ZNF429: variants seen among roughly 807,000 people sequenced by gnomAD.
ZNF429 encodes the protein zinc finger protein 429.
ZNF429 carries 53 observed loss-of-function variants against 56.8 expected under a neutral mutation model. The ratio of observed to expected loss-of-function variants is 0.93; its 90% CI spans 0.75 to 1.17. The LOEUF is 1.17. ZNF429 is among the 50% of genes most tolerant of loss of function. The pLI, the probability that ZNF429 is intolerant of heterozygous loss-of-function variation, is 0.00. For synonymous variants in ZNF429, 278 were observed against 264.7 expected, an observed-to-expected ratio of 1.05 and a Z score of -0.49; for missense variants, 849 against 788.4, an observed-to-expected ratio of 1.08 and a Z score of -0.92.
At chr19:21,535,333 T>C in intron 3 of ZNF429, among the ~76,000 whole-genome samples, 1 of 93,740 alleles carries the variant, frequency 1.1e-5, no homozygotes, top group African/African-American at 4.1e-5. Context: ...CTTTCTCTTT[T>C]CTTTTCTTTC....
At chr19:21,535,597 C>A in intron 3 of ZNF429, among the ~76,000 whole-genome samples, 1 of 150,972 alleles carries the variant, frequency 6.6e-6, no homozygotes, top group Admixed American at 6.6e-5. Flanking sequence ...TCACTGCAAC[C>A]TCCACTTTCT....
intron 1 of ZNF429, among the ~76,000 whole-genome samples, chr19:21,506,539 A>G (rs971818184): frequency 4.0e-5 from 6 of 151,466 alleles, no homozygotes; most frequent in Non-Finnish European, 5.9e-5. Flanking sequence ...TGTGGGATGT[A>G]GTTTGTGGTC....
rs774710034 is a variant in ZNF429, at chr19:21,537,568, A to G, written c.1515A>G (p.Gly505=). Residue 505 remains glycine, a synonymous_variant, in exon 4 of 4, where the codon GGA becomes GGG. Transcript: ENST00000358491. ...ACAGTCATAAAAAAATTCATAGTGG[A>G]GAGAAACCCTACAAATGTGAAGAAT... is the stretch of plus-strand genomic sequence containing the variant. The part of the protein sequence containing the change: ...NLNSHKKIHS[G]EKPYKCEECG... The G allele has an allele frequency of 1.9e-6, 3 of 1,613,522 alleles. No homozygotes were observed. The highest frequency in any genetic ancestry group is 1.6e-4 in the Middle Eastern group (1 of 6,072).
In ZNF429 at chr19:21,523,435, A is replaced by G. The variant is rs117630494; in HGVS notation, c.4-6223A>G. 6.1e-3 allele frequency among the ~76,000 whole-genome samples: 930 copies of G among 152,276 alleles called. 10 individuals carry two copies. The highest frequency in any genetic ancestry group is 8.5e-3 in the Non-Finnish European group (576 of 68,028). On this transcript the variant is annotated intron_variant, in intron 1 of 3. Transcript: ENST00000358491. ...GGAGAGACATTAAAATGAGAACACA[A>G]TTATGTCTTTCTCTCCTCTTTGAAC... is the stretch of plus-strand genomic sequence containing the variant.
At chr19:21,525,922 G>A (rs2033151894) in intron 1 of ZNF429, among the ~76,000 whole-genome samples, 1 of 152,292 alleles carries the variant, frequency 6.6e-6, no homozygotes, top group Non-Finnish European at 1.5e-5. Flanking sequence ...TAAACACTTA[G>A]TACCAACTCC....
chr19:21,524,017 C>A (rs2033077555), intron 1 of ZNF429, among the ~76,000 whole-genome samples: 1 of 150,200 alleles, frequency 6.7e-6, no homozygotes, highest in Admixed American at 6.7e-5. Flanking sequence ...GCATCTTCTG[C>A]ATTGTGAGAT....
intron 1 of ZNF429, among the ~76,000 whole-genome samples, chr19:21,512,978 TCTC>T (rs1392347571): frequency 6.6e-6 from 1 of 151,806 alleles, no homozygotes; most frequent in Non-Finnish European, 1.5e-5. Flanking sequence ...TTCACACCAT[TCTC>T]CTGCCTCAGC....
At chr19:21,523,672 T>A (rs2033064967) in intron 1 of ZNF429, among the ~76,000 whole-genome samples, 1 of 152,224 alleles carries the variant, frequency 6.6e-6, no homozygotes, top group South Asian at 2.1e-4. Flanking sequence ...CCTTTGCAAA[T>A]CCACTTGTAA....
chr19:21,529,458 A>C (rs1384209061), intron 1 of ZNF429, 200 bp from the exon 2 acceptor site: 3 of 920,344 alleles, frequency 3.3e-6, no homozygotes, highest in Non-Finnish European at 2.6e-6. Context: ...CTATTTTCTC[A>C]AAGTTAGAGA....
At chr19:21,512,893 A>T (rs1401307154) in intron 1 of ZNF429, among the ~76,000 whole-genome samples, 13 of 148,112 alleles carry the variant, frequency 8.8e-5, no homozygotes, top group Non-Finnish European at 1.9e-4. Context: ...TTTTTTTGAG[A>T]TGGAGTCTCA....
At chr19:21,517,464 G>A (rs1568416585) in intron 1 of ZNF429, among the ~76,000 whole-genome samples, 1 of 152,092 alleles carries the variant, frequency 6.6e-6, no homozygotes, top group African/African-American at 2.4e-5. Context: ...TAATGAGCAG[G>A]GGAAGAGTTT....
rs754127680 is a variant in ZNF429, at chr19:21,537,648, CT to C, written c.1596del (p.Gly533GlufsTer151). 7 of 1,613,082 alleles carry C rather than the reference CT, an allele frequency of 4.3e-6. No homozygotes were observed. The East Asian group carries it at 1.3e-4, about 31-fold the overall frequency. ...CTTACTCAACATAAGAAAATTCATA[CT>C]GGAGAGAAACCTTACAAATGTGAAG... The part of the protein sequence containing the change: ...SRLTQHKKIH[T>X]GEKPYKCEEC... On this transcript the variant is annotated frameshift_variant, in exon 4 of 4. Coordinates refer to ENST00000358491, the MANE Select transcript of ZNF429 (RefSeq NM_001001415.4). LOFTEE classifies it high-confidence loss of function.
At chr19:21,517,463 G>A (rs962876498) in intron 1 of ZNF429, among the ~76,000 whole-genome samples, 4 of 152,148 alleles carry the variant, frequency 2.6e-5, no homozygotes, top group African/African-American at 9.7e-5. Context: ...ATAATGAGCA[G>A]GGGAAGAGTT....
At chr19:21,513,569 A>G (rs2032600742) in intron 1 of ZNF429, among the ~76,000 whole-genome samples, 1 of 152,194 alleles carries the variant, frequency 6.6e-6, no homozygotes, top group Non-Finnish European at 1.5e-5. Context: ...TCCAAATTCA[A>G]ATGTTAGACA....
At chr19:21,511,004 TC>T (rs1427696723) in intron 1 of ZNF429, among the ~76,000 whole-genome samples, 1 of 152,052 alleles carries the variant, frequency 6.6e-6, no homozygotes, top group African/African-American at 2.4e-5. Context: ...ACAGCAACCA[TC>T]CGATTTCTCA....
At chr19:21,527,292 G>C (rs901875159) in intron 1 of ZNF429, among the ~76,000 whole-genome samples, 1 of 152,190 alleles carries the variant, frequency 6.6e-6, no homozygotes, top group Admixed American at 6.5e-5. Flanking sequence ...ATTACAGCTC[G>C]AGGGGCAATG....
intron 1 of ZNF429, among the ~76,000 whole-genome samples, chr19:21,509,983 A>G (rs1299403654): frequency 6.6e-6 from 1 of 150,590 alleles, no homozygotes; most frequent in Non-Finnish European, 1.5e-5. Context: ...ATCTCTGCTT[A>G]CTGCAACCTC....
intron 1 of ZNF429, among the ~76,000 whole-genome samples, chr19:21,523,094 A>G (rs2145447437): frequency 6.6e-6 from 1 of 152,288 alleles, no homozygotes; most frequent in East Asian, 1.9e-4. Context: ...TGGAGCCAAG[A>G]AACCAAATCA....
chr19:21,511,982 C>T (rs1039189149), intron 1 of ZNF429, among the ~76,000 whole-genome samples: 2 of 152,114 alleles, frequency 1.3e-5, no homozygotes, highest in Non-Finnish European at 2.9e-5. Flanking sequence ...CAGGCTGAGG[C>T]AGGAGAATCA....
Sources: allele counts gnomAD v4.1 joint callset (sites outside exome capture counted in the v4.1 genomes callset), GRCh38; gene constraint gnomAD v4.1.1; transcripts MANE v1.5; gene names NCBI Gene and HGNC (gene_info 2026-07-23, HGNC 2026-07-21).